Variants in SIPA1L1 observed in about 807,000 individuals in gnomAD.
SIPA1L1 encodes signal induced proliferation associated 1 like 1.
Under a neutral mutation model 162.7 loss-of-function variants are expected in SIPA1L1, and 26 were observed. The observed-to-expected ratio is 0.16, with a 90% CI of 0.12 to 0.22. The LOEUF is 0.22. Among genes scored for constraint, SIPA1L1 ranks in the 10% least tolerant of loss-of-function variants. The pLI is 1.00. For missense variants in SIPA1L1, 1,874 were observed against 2,241.0 expected (o/e 0.84, Z 3.31); for synonymous variants, 829 against 837.4 (o/e 0.99, Z 0.17).
intron 8 of SIPA1L1, 150 bp from the exon 9 acceptor site, chr14:71,658,183 A>G: frequency 1.9e-6 from 1 of 526,236 alleles, no homozygotes; most frequent in Non-Finnish European, 3.3e-6. Context: ...ATCAAATACA[A>G]AAAAAAAAAG....
intron 2 of SIPA1L1, among the ~76,000 whole-genome samples, chr14:71,376,921 C>T (rs1353378094): frequency 6.6e-6 from 1 of 152,162 alleles, no homozygotes; most frequent in South Asian, 2.1e-4. Context: ...ATGGAGTCTC[C>T]TATGTCTACT....
chr14:71,554,317 C>T (rs1463829267), intron 4 of SIPA1L1, among the ~76,000 whole-genome samples: 1 of 146,936 alleles, frequency 6.8e-6, no homozygotes, highest in East Asian at 2.0e-4. Context: ...CACATGAAGC[C>T]ATGATATTGA....
intron 2 of SIPA1L1, among the ~76,000 whole-genome samples, chr14:71,407,833 CAGCAGGGGGAGATGGAGCTT>C (rs2042134156): frequency 6.6e-6 from 1 of 152,146 alleles, no homozygotes; most frequent in African/African-American, 2.4e-5. Context: ...GACAGGTTGA[CAGCAGGGGGAGATGGAGCTT>C]AGCAGGATTT....
At chr14:71,693,097 T>G (rs1597025503) in intron 13 of SIPA1L1, among the ~76,000 whole-genome samples, 1 of 150,490 alleles carries the variant, frequency 6.6e-6, no homozygotes, top group South Asian at 2.2e-4. Context: ...AAATTTCAAT[T>G]TTTTTTTAAT....
chr14:71,334,417 T>C (rs1337927590), intron 2 of SIPA1L1, among the ~76,000 whole-genome samples: 2 of 152,216 alleles, frequency 1.3e-5, no homozygotes, highest in Non-Finnish European at 2.9e-5. Context: ...TCTTTCCCAG[T>C]AGATGTGAAA....
chr14:71,514,692 A>G (rs1055415312), intron 3 of SIPA1L1, among the ~76,000 whole-genome samples: 1 of 152,192 alleles, frequency 6.6e-6, no homozygotes, highest in Non-Finnish European at 1.5e-5. Context: ...GCCCACCCAC[A>G]TTGTGGAGGA....
At chr14:71,365,547 TTC>T (rs2038205104) in intron 2 of SIPA1L1, among the ~76,000 whole-genome samples, 1 of 152,138 alleles carries the variant, frequency 6.6e-6, no homozygotes, top group African/African-American at 2.4e-5. Flanking sequence ...GTTTCTCAGC[TTC>T]TCTCTATCCC....
intron 2 of SIPA1L1, among the ~76,000 whole-genome samples, chr14:71,352,247 T>A (rs2036792309): frequency 1.3e-5 from 2 of 152,138 alleles, no homozygotes; most frequent in African/African-American, 4.8e-5. Flanking sequence ...AGTGTTGTGA[T>A]CATGGCTCAC....
At chr14:71,679,835 A>T (rs192658534) in intron 12 of SIPA1L1, among the ~76,000 whole-genome samples, 30 of 152,330 alleles carry the variant, frequency 2.0e-4, no homozygotes, top group African/African-American at 7.0e-4. Flanking sequence ...AGAGACAAAG[A>T]AGGCCATTAC....
chr14:71,685,663 C>T lies in SIPA1L1; in HGVS notation c.3374+32C>T, dbSNP rs182301393. On this transcript the variant is annotated intron_variant, in intron 13 of 23. Coordinates refer to ENST00000381232, the MANE Select transcript of SIPA1L1 (RefSeq NM_001386936.1). ...GTGCCTTCAAAGGTTTGCTCTATCT[C>T]TCTCTGCCCCAAATGTAAGTAACAC... The T allele has an allele frequency of 2.5e-3, 4,003 of 1,609,426 alleles. 11 individuals carry two copies. The highest frequency in any genetic ancestry group is 4.9e-3 in the Middle Eastern group (29 of 5,872).
intron 2 of SIPA1L1, among the ~76,000 whole-genome samples, chr14:71,389,301 C>T (rs1181110906): frequency 1.3e-5 from 2 of 152,180 alleles, no homozygotes; most frequent in Non-Finnish European, 2.9e-5. Context: ...ATGAGTTGTA[C>T]AAGGCATCTG....
chr14:71,403,599 C>CAA (rs147285643), intron 2 of SIPA1L1, among the ~76,000 whole-genome samples: 1,303 of 68,980 alleles, frequency 0.019, 44 homozygotes, highest in African/African-American at 0.063. Flanking sequence ...GACTCTGTCT[C>CAA]AAAAAAAAAA....
At chr14:71,447,908 C>T (rs1426614861) in intron 2 of SIPA1L1, among the ~76,000 whole-genome samples, 1 of 152,070 alleles carries the variant, frequency 6.6e-6, no homozygotes, top group Non-Finnish European at 1.5e-5. Flanking sequence ...CCAGAATATT[C>T]ATTTAATGTG....
chr14:71,545,551 T>A (rs1039128187), intron 4 of SIPA1L1, among the ~76,000 whole-genome samples: 10 of 152,124 alleles, frequency 6.6e-5, no homozygotes, highest in African/African-American at 2.2e-4. Flanking sequence ...CCTGCAAACC[T>A]CCTAAATTCA....
intron 14 of SIPA1L1, among the ~76,000 whole-genome samples, chr14:71,700,534 C>T (rs2082004187): frequency 6.6e-6 from 1 of 152,094 alleles, no homozygotes. Context: ...AATTGTGAGT[C>T]CTTTTTTTAA....
chr14:71,556,848 C>T (rs1253350808), intron 4 of SIPA1L1, among the ~76,000 whole-genome samples: 4 of 152,246 alleles, frequency 2.6e-5, no homozygotes, highest in African/African-American at 9.6e-5. Context: ...TCCAGCAAGG[C>T]CTGTCTATTC....
At chr14:71,714,054 C>A (rs1032220041) in intron 17 of SIPA1L1, among the ~76,000 whole-genome samples, 2 of 152,110 alleles carry the variant, frequency 1.3e-5, no homozygotes, top group Admixed American at 1.3e-4. Context: ...TTGCCTTAGC[C>A]TAGGTTGTGG....
chr14:71,739,949 C>T lies in SIPA1L1; in HGVS notation c.*788C>T, dbSNP rs1442537709. The stretch of plus-strand genomic sequence containing the variant: ...ACTAAATTGGAATCAATCTCTCTTA[C>T]AGCTTCCTGGCTCCAAACATTAATT... On this transcript the variant is annotated 3_prime_UTR_variant, in exon 24 of 24. Transcript: ENST00000381232. The T allele has an allele frequency of 6.6e-6, 1 of 152,230 alleles. No homozygotes were observed. Among genetic ancestry groups the T allele is most frequent in the African/African-American group, 2.4e-5 (1 of 41,456 alleles). The allele number at this position is 152,230 out of a possible 1,614,324, so 9.4% of individuals were successfully genotyped here. A position where few individuals can be genotyped will look rare whatever the true frequency, so the allele number is the denominator to read the frequency against.
chr14:71,663,803 G>A (rs1484190578), intron 10 of SIPA1L1, among the ~76,000 whole-genome samples: 3 of 152,216 alleles, frequency 2.0e-5, no homozygotes, highest in Non-Finnish European at 4.4e-5. Flanking sequence ...CTCAAGACAT[G>A]TGGGCAGGTC....
Sources: allele counts gnomAD v4.1 joint callset (sites outside exome capture counted in the v4.1 genomes callset), GRCh38; gene constraint gnomAD v4.1.1; transcripts MANE v1.5; gene names NCBI Gene and HGNC (gene_info 2026-07-23, HGNC 2026-07-21).